The following CDC42SE2 variants were observed in gnomAD, a reference collection of about 807,000 sequenced individuals.
CDC42SE2 encodes the protein CDC42 small effector protein 2.
Under a neutral mutation model 11.5 loss-of-function variants are expected in CDC42SE2, and 3 were observed. The observed-to-expected ratio is 0.26, with a 90% confidence interval of 0.12 to 0.67. The LOEUF (loss-of-function observed/expected upper bound fraction) is 0.67. Ranked by LOEUF, CDC42SE2 falls within the 30% of genes least tolerant of loss-of-function variation. CDC42SE2 has a pLI of 0.80. For missense variants in CDC42SE2, 82 were observed against 106.8 expected (o/e 0.77, Z 1.02); for synonymous variants, 33 against 34.8 (o/e 0.95, Z 0.18).
intron 2 of CDC42SE2, among the ~76,000 whole-genome samples, chr5:131,326,126 A>G (rs145778582): frequency 0.034 from 5,134 of 149,230 alleles, 299 homozygotes; most frequent in African/African-American, 0.12. Context: ...TTTTTTTGAG[A>G]CGGAGTCTCG....
intron 1 of CDC42SE2, among the ~76,000 whole-genome samples, chr5:131,249,014 C>CTT (rs35929101): frequency 0.033 from 3,797 of 116,034 alleles, 288 homozygotes; most frequent in African/African-American, 0.097. Context: ...CAGGTTACAT[C>CTT]TTTTTTTTTT....
chr5:131,388,819 A>T (rs1208236800), intron 4 of CDC42SE2, among the ~76,000 whole-genome samples: 2 of 152,186 alleles, frequency 1.3e-5, no homozygotes, highest in African/African-American at 4.8e-5. Flanking sequence ...TGAATGCACA[A>T]TGTAAAAACA....
chr5:131,257,349 G>A (rs1400664135), intron 2 of CDC42SE2, among the ~76,000 whole-genome samples: 3 of 151,904 alleles, frequency 2.0e-5, no homozygotes, highest in Admixed American at 6.6e-5. Context: ...TGTCTGCCTC[G>A]GCCTCCCAAA....
At position 131,390,886 on chromosome 5, in the gene CDC42SE2, TC is replaced by T. The variant is rs1231513351; in HGVS notation, c.157-106del. ...AAATTTTTGTCTATAAAAGTACCCTTCTGAAAAAAGCAGCCCAAATAAAATT... is the reference window on the plus strand; with the variant it reads ...AAATTTTTGTCTATAAAAGTACCCTTTGAAAAAAGCAGCCCAAATAAAATT... On this transcript the variant is annotated intron_variant, in intron 4 of 4. Coordinates refer to ENST00000505065, the MANE Select transcript of CDC42SE2 (RefSeq NM_001375635.1). The T allele has an allele frequency of 6.2e-6, 4 of 648,858 alleles. 1 individual carries two copies. The highest frequency in any genetic ancestry group is 1.0e-5 in the Non-Finnish European group (4 of 392,798). The allele number at this position is 648,858 out of a possible 1,614,324, so 40.2% of individuals were successfully genotyped here.
chr5:131,355,402 G>A (rs537974573), intron 2 of CDC42SE2, among the ~76,000 whole-genome samples: 24 of 151,972 alleles, frequency 1.6e-4, no homozygotes, highest in South Asian at 1.2e-3. Flanking sequence ...ATTTGAACCC[G>A]AGAGGTCAAG....
chr5:131,392,145 G>GT lies in CDC42SE2; in HGVS notation c.*1064dup, dbSNP rs112848390. 93 of 149,958 alleles carry GT rather than the reference G, an allele frequency of 6.2e-4. 1 individual carries two copies. In the Middle Eastern group the frequency reaches 0.011, roughly 17 times the overall value. The allele number at this position is 149,958 out of a possible 1,614,324, so 9.3% of individuals were successfully genotyped here. ...TTGTGAATGCTAACACCATTTTGCA[G>GT]TTTTTTTTTTCTATTTTAAACATTT... On this transcript the variant is annotated 3_prime_UTR_variant, in exon 5 of 5. Coordinates refer to ENST00000505065, the MANE Select transcript of CDC42SE2 (RefSeq NM_001375635.1).
chr5:131,296,538 C>T (rs186608303), intron 1 of CDC42SE2, among the ~76,000 whole-genome samples: 2 of 152,304 alleles, frequency 1.3e-5, no homozygotes, highest in African/African-American at 2.4e-5. Flanking sequence ...CTGCTTTACT[C>T]CAGTCTCTTG....
intron 2 of CDC42SE2, among the ~76,000 whole-genome samples, chr5:131,256,086 C>G (rs186921667): frequency 4.7e-4 from 71 of 152,264 alleles, no homozygotes; most frequent in Admixed American, 8.5e-4. Context: ...GAGAATGGCA[C>G]CATATGCTAC....
At position 131,392,483 on chromosome 5, in the gene CDC42SE2, T is replaced by TACTTGTAGCTTATTTTAGAA. The variant is rs1465781220; in HGVS notation, c.*1393_*1412dup. On this transcript the variant is annotated 3_prime_UTR_variant, in exon 5 of 5. Coordinates refer to ENST00000505065, the MANE Select transcript of CDC42SE2 (RefSeq NM_001375635.1). ...TCACATCATTTTCATAGAAAAAGAT[T>TACTTGTAGCTTATTTTAGAA]ACTTGTAGCTTATTTTAGAAGTATG... is the stretch of plus-strand genomic sequence containing the variant. 1.3e-5 allele frequency: 2 copies of TACTTGTAGCTTATTTTAGAA among 152,568 alleles called. No individual in the cohort carries two copies. Among genetic ancestry groups the TACTTGTAGCTTATTTTAGAA allele is most frequent in the South Asian group, 2.1e-4 (1 of 4,832 alleles). The allele number at this position is 152,568 out of a possible 1,614,324, so 9.5% of individuals were successfully genotyped here.
intron 1 of CDC42SE2, among the ~76,000 whole-genome samples, chr5:131,279,837 G>A (rs970994795): frequency 6.6e-6 from 1 of 152,192 alleles, no homozygotes; most frequent in African/African-American, 2.4e-5. Flanking sequence ...ACTTTGGGAG[G>A]CTGAGGTGGG....
At chr5:131,279,198 G>A (rs893024790) in intron 1 of CDC42SE2, among the ~76,000 whole-genome samples, 1 of 152,108 alleles carries the variant, frequency 6.6e-6, no homozygotes, top group Admixed American at 6.6e-5. Flanking sequence ...CTTTTTCAAA[G>A]TTATGTTCTC....
Position 131,334,400 on chromosome 5 carries a change from A to G in CDC42SE2, c.-286+18256A>G, listed in dbSNP as rs185748478. Reference sequence around the variant, plus strand: ...ATTGAGAATTTTTGCATCAATGTTCATCAAGGATATTGGTCTAAAATTCTC... The same window carrying G: ...ATTGAGAATTTTTGCATCAATGTTCGTCAAGGATATTGGTCTAAAATTCTC... On this transcript the variant is annotated intron_variant, in intron 2 of 4. Transcript: ENST00000505065. Among the ~76,000 whole-genome samples, 477 of 152,310 alleles carry G rather than the reference A, an allele frequency of 3.1e-3. 1 individual carries two copies. The highest frequency in any genetic ancestry group is 0.011 in the African/African-American group (453 of 41,564).
At chr5:131,301,615 G>A (rs1212363064) in intron 1 of CDC42SE2, among the ~76,000 whole-genome samples, 1 of 151,774 alleles carries the variant, frequency 6.6e-6, no homozygotes, top group Non-Finnish European at 1.5e-5. Flanking sequence ...AAAATTAGCC[G>A]GGCGTGGTGG....
upstream of CDC42SE2, among the ~76,000 whole-genome samples, chr5:131,259,362 T>A (rs1027674818): frequency 1.6e-4 from 25 of 152,320 alleles, no homozygotes; most frequent in Non-Finnish European, 8.8e-5. Context: ...GCCTGTTATA[T>A]CTTTAGGAAA....
intron 1 of CDC42SE2, among the ~76,000 whole-genome samples, chr5:131,312,926 A>G (rs1338783821): frequency 6.6e-6 from 1 of 151,960 alleles, no homozygotes; most frequent in Admixed American, 6.6e-5. Context: ...TGGGATCTGT[A>G]GACGGGAGCT....
intron 1 of CDC42SE2, among the ~76,000 whole-genome samples, chr5:131,286,390 T>TTG (rs1757341086): frequency 1.3e-5 from 2 of 148,160 alleles, no homozygotes; most frequent in Admixed American, 1.3e-4. Flanking sequence ...GGCCAGTTTT[T>TTG]TTTTTTTTTT....
intron 2 of CDC42SE2, among the ~76,000 whole-genome samples, chr5:131,345,404 G>C (rs1321522511): frequency 1.3e-5 from 2 of 152,250 alleles, no homozygotes; most frequent in Middle Eastern, 3.4e-3. Flanking sequence ...AAGGGTATCA[G>C]TGATTGAAGA....
At chr5:131,294,501 T>A (rs888043552) in intron 1 of CDC42SE2, among the ~76,000 whole-genome samples, 1 of 152,182 alleles carries the variant, frequency 6.6e-6, no homozygotes, top group African/African-American at 2.4e-5. Context: ...AAAGTTCTTG[T>A]GTTTATGGAG....
chr5:131,275,836 A>T (rs368499313), intron 1 of CDC42SE2, among the ~76,000 whole-genome samples: 1 of 151,576 alleles, frequency 6.6e-6, no homozygotes, highest in Non-Finnish European at 1.5e-5. Context: ...AGTTATTAGT[A>T]TGCCTGTCCT....
Sources: gnomAD v4.1 joint callset for allele counts (sites outside exome capture counted in the v4.1 genomes callset) on GRCh38, gnomAD v4.1.1 for gene constraint, MANE v1.5 for transcripts, NCBI Gene and HGNC (gene_info 2026-07-23, HGNC 2026-07-21) for gene names.